TP53INP2: variants seen among roughly 807,000 people sequenced by gnomAD.
The protein encoded by TP53INP2 is tumor protein p53 inducible nuclear protein 2, also known as tumor protein p53-inducible nuclear protein 2.
A neutral mutation model predicts 17.1 loss-of-function variants in TP53INP2; 12 were observed. That is an observed-to-expected ratio of 0.70 (90% CI 0.45 to 1.14). The LOEUF (loss-of-function observed/expected upper bound fraction) is 1.14. TP53INP2 is among the 50% of genes most tolerant of loss of function. The probability of loss-of-function intolerance (pLI) is 0.00; values close to 1 mark genes in which losing one functional copy is unlikely to be tolerated. For missense variants in TP53INP2, 342 were observed against 330.9 expected (o/e 1.03, Z -0.26); for synonymous variants, 145 against 147.3 (o/e 0.98, Z 0.12).
chr20:34,710,407 T>C lies in TP53INP2; in HGVS notation c.*100T>C, dbSNP rs1600696221. On this transcript the variant is annotated 3_prime_UTR_variant, in exon 5 of 5. Coordinates refer to ENST00000374810, the MANE Select transcript of TP53INP2 (RefSeq NM_021202.3). This position sits in a 1 kb window ranked among gnomAD's most constrained non-coding sequence, Gnocchi z 4.9. Reference sequence around the variant, plus strand: ...CACCGAAACCTCCCTTCTTAAAGCGTGTGAGGTTGGGTGATAGCCGTTCCT... The same window carrying C: ...CACCGAAACCTCCCTTCTTAAAGCGCGTGAGGTTGGGTGATAGCCGTTCCT... The C allele has an allele frequency of 8.3e-7, 1 of 1,211,784 alleles. No homozygotes were observed. Among genetic ancestry groups the C allele is most frequent in the Non-Finnish European group, 1.0e-6 (1 of 961,400 alleles). The allele number at this position is 1,211,784 out of a possible 1,614,324, so 75.1% of individuals were successfully genotyped here.
rs778686543 is a variant in TP53INP2, at chr20:34,708,778, C to A, written c.39C>A (p.Pro13=). 1.9e-6 allele frequency: 3 copies of A among 1,603,262 alleles called. No individual in the cohort carries two copies. The highest frequency in any genetic ancestry group is 1.7e-4 in the Middle Eastern group (1 of 5,972). The part of the protein sequence containing the change: ...QRLSSLFFST[P]SPPEDPDCPR... ...TCTCCAGCCTCTTCTTCAGCACCCC[C>A]TCGCCCCCCGAAGACCCCGACTGCC... The change falls in exon 3 of 5, where the codon CCC becomes CCA. Residue 13 remains proline, a synonymous_variant. Coordinates refer to ENST00000374810, the MANE Select transcript of TP53INP2 (RefSeq NM_021202.3).
In TP53INP2 at chr20:34,709,325, T is replaced by C; in HGVS notation, c.214T>C (p.Phe72Leu). The C allele has an allele frequency of 6.2e-7, 1 of 1,612,976 alleles. No individual in the cohort carries two copies. The highest frequency in any genetic ancestry group is 1.1e-5 in the South Asian group (1 of 91,058). ...PAPSLMDESW[F>L]VTPPACFTAE... ...GCCCTCCTTGATGGACGAGAGCTGG[T>C]TTGTTACCCCTCCCGCCTGTTTTAC... The change falls in exon 4 of 5, where the codon TTT becomes CTT. Residue 72 changes from phenylalanine (F) to leucine (L), a missense_variant. Phe to Leu is a conservative substitution (Grantham distance 22). Transcript: ENST00000374810. The surrounding 1 kb of genome is among the most constrained non-coding windows in gnomAD (Gnocchi z 5.4).
At chr20:34,705,102 A>C (rs1434839497) in intron 1 of TP53INP2, among the ~76,000 whole-genome samples, 2 of 152,168 alleles carry the variant, frequency 1.3e-5, no homozygotes, top group Admixed American at 1.3e-4. Flanking sequence ...ACCCAAAATG[A>C]AGGGTCTTAG....
At chr20:34,708,583 G>A (rs1988053602) in intron 2 of TP53INP2, 108 bp from the exon 3 acceptor site, 2 of 622,326 alleles carry the variant, frequency 3.2e-6, no homozygotes, top group Non-Finnish European at 5.5e-6. Context: ...TCCCCGTTGT[G>A]TGTACCCTTC....
intron 3 of TP53INP2, 113 bp downstream of exon 3, chr20:34,708,976 A>T: frequency 6.8e-7 from 1 of 1,477,598 alleles, no homozygotes. Flanking sequence ...AGCCTACTGG[A>T]GGTGGGGTCA....
In TP53INP2 at chr20:34,711,875, TCCTC is replaced by T. The variant is rs1568687207; in HGVS notation, c.*1571_*1574del. On this transcript the variant is annotated 3_prime_UTR_variant, in exon 5 of 5. Transcript: ENST00000374810. The surrounding 1 kb of genome is among the most constrained non-coding windows in gnomAD (Gnocchi z 4.1). ...ACTTCTTGGTACCTATGAACATAGG[TCCTC>T]CCCTCACCCCAACTCTAGGTTTCCA... 6.6e-6 allele frequency: 1 copy of T among 152,488 alleles called. No homozygotes were observed. The highest frequency in any genetic ancestry group is 1.5e-5 in the Non-Finnish European group (1 of 68,056). 9.4% of individuals were successfully genotyped at this position (152,488 alleles called of 1,614,324 possible).
intron 2 of TP53INP2, among the ~76,000 whole-genome samples, chr20:34,707,277 G>C (rs138079121): frequency 4.2e-4 from 64 of 152,270 alleles, no homozygotes; most frequent in Admixed American, 6.5e-4. Context: ...GGGGTCAGAG[G>C]GGGGAGGGCC....
In TP53INP2 at chr20:34,710,099, A is replaced by G; in HGVS notation, c.455A>G (p.His152Arg). ...CGCCGCGAGCCGCGGGCCGCGCGCC[A>G]CGCCGCTCCTCTCCCAGCGCGGGCG... ...PARREPRAAR[H>R]AAPLPARAAL... Residue 152 changes from histidine to arginine, a missense_variant, in exon 5 of 5, where the codon CAC becomes CGC. By Grantham distance (29) the His-to-Arg change is conservative (BLOSUM62 0). Coordinates refer to ENST00000374810, the MANE Select transcript of TP53INP2 (RefSeq NM_021202.3). The surrounding 1 kb of genome is among the most constrained non-coding windows in gnomAD (Gnocchi z 4.9). 1 of 1,273,676 alleles carries G rather than the reference A, an allele frequency of 7.9e-7. No homozygotes were observed. Among genetic ancestry groups the G allele is most frequent in the Non-Finnish European group, 9.9e-7 (1 of 1,013,636 alleles). The allele number at this position is 1,273,676 out of a possible 1,614,324, so 78.9% of individuals were successfully genotyped here.
rs1247870332 is a variant in TP53INP2, at chr20:34,709,211, A to C, written c.125-25A>C. The C allele has an allele frequency of 2.6e-6, 4 of 1,532,554 alleles. No individual in the cohort carries two copies. In the East Asian group the frequency reaches 7.4e-5, roughly 28 times the overall value. 94.9% of individuals were successfully genotyped at this position (1,532,554 alleles called of 1,614,324 possible). On this transcript the variant is annotated intron_variant, in intron 3 of 4. Transcript: ENST00000374810. This position sits in a 1 kb window ranked among gnomAD's most constrained non-coding sequence, Gnocchi z 5.4. The stretch of plus-strand genomic sequence containing the variant: ...CCTCCTCGCTGCTCCCCTCCTCTGC[A>C]CGGCTCCCATCCCGCGCCCCGTAGA...
rs967702475 is a variant in TP53INP2 at position 34,709,629 on chromosome 20, C to G, written c.413+105C>G. Reference sequence around the variant, plus strand: ...AGTGGGGCCAGGAGCCCGCCCCGCGCTCGAGGGGGTAGCGGCCTTGGGAGG... The same window carrying G: ...AGTGGGGCCAGGAGCCCGCCCCGCGGTCGAGGGGGTAGCGGCCTTGGGAGG... On this transcript the variant is annotated intron_variant, in intron 4 of 4. Transcript: ENST00000374810. This position sits in a 1 kb window ranked among gnomAD's most constrained non-coding sequence, Gnocchi z 5.4. 6 of 1,449,304 alleles carry G rather than the reference C, an allele frequency of 4.1e-6. No homozygotes were observed. The African/African-American group carries it at 8.6e-5, about 21-fold the overall frequency. 89.8% of individuals were successfully genotyped at this position (1,449,304 alleles called of 1,614,324 possible).
In TP53INP2 at chr20:34,709,156, G is replaced by A; in HGVS notation, c.125-80G>A. The A allele has an allele frequency of 7.2e-7, 1 of 1,383,736 alleles. No individual in the cohort carries two copies. 85.7% of individuals were successfully genotyped at this position (1,383,736 alleles called of 1,614,324 possible). A position where few individuals can be genotyped will look rare whatever the true frequency, so the allele number is the denominator to read the frequency against. Reference sequence around the variant, plus strand: ...ATGCCCTTTCTCTCCCCGCCCCCTTGTCCGGTGTGTGTGTGTGTGTGTGTG... The same window carrying A: ...ATGCCCTTTCTCTCCCCGCCCCCTTATCCGGTGTGTGTGTGTGTGTGTGTG... On this transcript the variant is annotated intron_variant, in intron 3 of 4. Coordinates refer to ENST00000374810, the MANE Select transcript of TP53INP2 (RefSeq NM_021202.3). The surrounding 1 kb of genome is among the most constrained non-coding windows in gnomAD (Gnocchi z 5.4).
rs752097526 is a variant in TP53INP2 at position 34,709,459 on chromosome 20, G to T, written c.348G>T (p.Val116=). Residue 116 remains valine, a synonymous_variant, in exon 4 of 5, where the codon GTG becomes GTT. Transcript: ENST00000374810. The surrounding 1 kb of genome is among the most constrained non-coding windows in gnomAD (Gnocchi z 5.4). ...TTTACGTCACCGGCAGCACCATAGTGCTAGAGCCCGGGTCCCCTTCCCCGC... is the reference window on the plus strand; with the variant it reads ...TTTACGTCACCGGCAGCACCATAGTTCTAGAGCCCGGGTCCCCTTCCCCGC... ...MSVYVTGSTI[V]LEPGSPSPLP... 8 of 1,613,628 alleles carry T rather than the reference G, an allele frequency of 5.0e-6. No individual in the cohort carries two copies. In the Admixed American group the frequency reaches 5.0e-5, roughly 10 times the overall value.
chr20:34,706,129 A>T (rs1313555249), intron 2 of TP53INP2, among the ~76,000 whole-genome samples: 2 of 151,792 alleles, frequency 1.3e-5, no homozygotes, highest in African/African-American at 4.8e-5. Flanking sequence ...GTAACCCCAG[A>T]CCCTTTTGTA....
In TP53INP2 at chr20:34,710,190, C is replaced by A; in HGVS notation, c.546C>A (p.His182Gln). Reference sequence around the variant, plus strand: ...GGGCCCGGCAGCGGGCAGAGCGCCACGCGCTGAGCGCCAAGGCGGTGCAGC... The same window carrying A: ...GGGCCCGGCAGCGGGCAGAGCGCCAAGCGCTGAGCGCCAAGGCGGTGCAGC... ...LQRARQRAER[H>Q]ALSAKAVQRQ... Residue 182 changes from histidine (H) to glutamine (Q), a missense_variant, in exon 5 of 5, where the codon CAC (histidine) becomes CAA (glutamine). His to Gln is a conservative substitution (Grantham distance 24). Transcript: ENST00000374810. This position sits in a 1 kb window ranked among gnomAD's most constrained non-coding sequence, Gnocchi z 4.9. 1 of 1,416,272 alleles carries A rather than the reference C, an allele frequency of 7.1e-7. No homozygotes were observed. The allele number at this position is 1,416,272 out of a possible 1,614,324, so 87.7% of individuals were successfully genotyped here.
rs778746738 is a variant in TP53INP2 at position 34,709,268 on chromosome 20, G to T, written c.157G>T (p.Ala53Ser). ...CGCGGCTCCACCCAGCCCCGGGGCCGCCCCTGCCCCCGCGGGCCGCCCTCC... is the reference window on the plus strand; with the variant it reads ...CGCGGCTCCACCCAGCCCCGGGGCCTCCCCTGCCCCCGCGGGCCGCCCTCC... Reference protein sequence around the residue: ...SYAAPPSPGAAPAPAGRPPPA... With the variant: ...SYAAPPSPGASPAPAGRPPPA... The change falls in exon 4 of 5, where the codon GCC becomes TCC. Residue 53 changes from alanine (A) to serine (S), a missense_variant. Physicochemically the swap from Ala to Ser is moderately conservative, Grantham distance 99. Coordinates refer to ENST00000374810, the MANE Select transcript of TP53INP2 (RefSeq NM_021202.3). This position sits in a 1 kb window ranked among gnomAD's most constrained non-coding sequence, Gnocchi z 5.4. 2.9e-5 allele frequency: 46 copies of T among 1,590,366 alleles called. No individual in the cohort carries two copies. The highest frequency in any genetic ancestry group is 6.7e-5 in the South Asian group (6 of 89,086).
Position 34,710,204 on chromosome 20 carries a change from A to T in TP53INP2, c.560A>T (p.Lys187Met), listed in dbSNP as rs1988146807. The change falls in exon 5 of 5, where the codon AAG (lysine) becomes ATG (methionine). Residue 187 changes from lysine (K) to methionine (M), a missense_variant. Physicochemically the swap from Lys to Met is moderately conservative, Grantham distance 95. Coordinates refer to ENST00000374810, the MANE Select transcript of TP53INP2 (RefSeq NM_021202.3). This position sits in a 1 kb window ranked among gnomAD's most constrained non-coding sequence, Gnocchi z 4.9. ...GCAGAGCGCCACGCGCTGAGCGCCAAGGCGGTGCAGCGGCAGAACCGAGCC... is the reference window on the plus strand; with the variant it reads ...GCAGAGCGCCACGCGCTGAGCGCCATGGCGGTGCAGCGGCAGAACCGAGCC... Reference protein sequence around the residue: ...QRAERHALSAKAVQRQNRARE... With the variant: ...QRAERHALSAMAVQRQNRARE... 1 of 1,467,534 alleles carries T rather than the reference A, an allele frequency of 6.8e-7. No homozygotes were observed. Among genetic ancestry groups the T allele is most frequent in the Admixed American group, 2.1e-5 (1 of 48,106 alleles). 90.9% of individuals were successfully genotyped at this position (1,467,534 alleles called of 1,614,324 possible). A position where few individuals can be genotyped will look rare whatever the true frequency, so the allele number is the denominator to read the frequency against.
At position 34,708,745 on chromosome 20, in the gene TP53INP2, C is replaced by T. The variant is rs373986278; in HGVS notation, c.6C>T (p.Phe2=). The change falls in exon 3 of 5, where the codon TTC becomes TTT. Residue 2 remains phenylalanine, a synonymous_variant. Transcript: ENST00000374810. ...GAGGCGCTTCGCCCCCCACCATGTT[C>T]CAGCGCCTCTCCAGCCTCTTCTTCA... M[F]QRLSSLFFST... is the part of the protein sequence containing the mutation. 6 of 1,578,272 alleles carry T rather than the reference C, an allele frequency of 3.8e-6. No homozygotes were observed. Among genetic ancestry groups the T allele is most frequent in the East Asian group, 2.3e-5 (1 of 43,550 alleles).
chr20:34,706,203 T>C lies in TP53INP2; in HGVS notation c.-50+729T>C, dbSNP rs187636968. Among the ~76,000 whole-genome samples, 53 of 152,254 alleles carry C rather than the reference T, an allele frequency of 3.5e-4. 2 individuals are homozygous for C. The highest frequency in any genetic ancestry group is 6.0e-4 in the Non-Finnish European group (41 of 68,014). The stretch of plus-strand genomic sequence containing the variant: ...TCACCTCCCTGTACCCCTGCATCAT[T>C]GTATTCTTGGGGATTGTTTGCTGAG... On this transcript the variant is annotated intron_variant, in intron 2 of 4. Transcript: ENST00000374810.
Position 34,709,546 on chromosome 20 carries a change from C to T in TP53INP2, c.413+22C>T. 3.8e-6 allele frequency: 6 copies of T among 1,594,576 alleles called. No homozygotes were observed. In the South Asian group the frequency reaches 4.4e-5, roughly 12 times the overall value. On this transcript the variant is annotated intron_variant, in intron 4 of 4. Transcript: ENST00000374810. This position sits in a 1 kb window ranked among gnomAD's most constrained non-coding sequence, Gnocchi z 5.4. ...AAGGGTGAGCGGGCCGGGGGCGGAG[C>T]CTGGAGGCCCAGGGAGACGGATCTT...
Sources: gnomAD v4.1 joint callset for allele counts (sites outside exome capture counted in the v4.1 genomes callset) on GRCh38, gnomAD v4.1.1 for gene constraint, Gnocchi (gnomAD v3.1) non-coding constraint, MANE v1.5 for transcripts, NCBI Gene and HGNC (gene_info 2026-07-23, HGNC 2026-07-21) for gene names.